Variants in WNT2B observed in about 807,000 individuals in gnomAD.
The protein encoded by WNT2B is protein Wnt-2b.
A neutral mutation model predicts 40.5 loss-of-function variants in WNT2B; 19 were observed. The observed-to-expected ratio is 0.47, with a 90% CI of 0.33 to 0.69. The LOEUF is 0.69. WNT2B is among the 30% of genes least tolerant of loss of function. The pLI is 0.02. For missense variants in WNT2B, 467 were observed against 556.4 expected, an observed-to-expected ratio of 0.84 and a Z score of 1.62; for synonymous variants, 220 against 211.9, an observed-to-expected ratio of 1.04 and a Z score of -0.33.
intron 1 of WNT2B, among the ~76,000 whole-genome samples, chr1:112,470,483 G>A (rs528682474): frequency 6.6e-6 from 1 of 152,228 alleles, no homozygotes; most frequent in Non-Finnish European, 1.5e-5. Context: ...CAGCTACTTG[G>A]CAGGCTGAGG....
intron 1 of WNT2B, among the ~76,000 whole-genome samples, chr1:112,474,748 A>G (rs1570761068): frequency 6.6e-6 from 1 of 152,174 alleles, no homozygotes; most frequent in East Asian, 1.9e-4. Flanking sequence ...TGTGATCTCC[A>G]ATGTTGGAGG....
intron 1 of WNT2B, among the ~76,000 whole-genome samples, chr1:112,489,859 A>G (rs564317825): frequency 1.3e-5 from 2 of 152,262 alleles, no homozygotes; most frequent in Admixed American, 6.5e-5. Context: ...CAGATCCTAA[A>G]GTGAGAAGAT....
upstream of WNT2B, among the ~76,000 whole-genome samples, chr1:112,508,047 G>A (rs1245956194): frequency 2.0e-5 from 3 of 152,102 alleles, no homozygotes; most frequent in African/African-American, 7.2e-5. The surrounding 1 kb of genome is among the most constrained non-coding windows in gnomAD (Gnocchi z 4.2). Context: ...GAGGGAGGGT[G>A]AAGGAGCAGT....
chr1:112,513,556 G>T, intron 1 of WNT2B, among the ~76,000 whole-genome samples: 1 of 152,028 alleles, frequency 6.6e-6, no homozygotes, highest in East Asian at 1.9e-4. Context: ...GGGGGTGGTG[G>T]GGGGGGACAC....
At chr1:112,508,278 C>T (rs116698802), upstream of WNT2B, among the ~76,000 whole-genome samples, 1,385 of 151,604 alleles carry the variant, frequency 9.1e-3, 25 homozygotes, top group African/African-American at 0.032. The surrounding 1 kb of genome is among the most constrained non-coding windows in gnomAD (Gnocchi z 4.2). Flanking sequence ...GGCGGGGAGT[C>T]CGCAGGTGCC....
At chr1:112,484,276 T>C (rs1570768814) in intron 1 of WNT2B, among the ~76,000 whole-genome samples, 2 of 137,560 alleles carry the variant, frequency 1.5e-5, no homozygotes, top group African/African-American at 2.7e-5. Context: ...TATACACATA[T>C]ATATATATAT....
chr1:112,484,435 A>AT (rs1051053559), intron 1 of WNT2B, among the ~76,000 whole-genome samples: 123 of 146,864 alleles, frequency 8.4e-4, no homozygotes, highest in African/African-American at 2.5e-3. Context: ...TGAGTGGCTA[A>AT]TTTTTTTTTT....
At chr1:112,467,322 G>A (rs1650737434) in exon 1 of WNT2B, 3 of 511,672 alleles carry the variant, frequency 5.9e-6, no homozygotes, top group Middle Eastern at 2.9e-4. Context: ...TGGGCCACTG[G>A]AAGCCTGAAT....
At chr1:112,502,562 C>T (rs1251442326) in intron 1 of WNT2B, among the ~76,000 whole-genome samples, 1 of 152,236 alleles carries the variant, frequency 6.6e-6, no homozygotes, top group Non-Finnish European at 1.5e-5. Flanking sequence ...CTGGAGGCCT[C>T]GGACTTGGGG....
chr1:112,509,202 C>A lies in WNT2B; in HGVS notation c.-61C>A, dbSNP rs1652244955. On this transcript the variant is annotated 5_prime_UTR_variant, in exon 1 of 5. Coordinates refer to ENST00000369684, the MANE Select transcript of WNT2B (RefSeq NM_024494.3). This position sits in a 1 kb window ranked among gnomAD's most constrained non-coding sequence, Gnocchi z 4.2. ...GGGTGAGGTAGGAGCAGCCTGAGTA[C>A]CCCCAGAAGGTGCCCCGTCCACGCC... The A allele has an allele frequency of 2.1e-6, 3 of 1,437,166 alleles. No individual in the cohort carries two copies. The highest frequency in any genetic ancestry group is 3.0e-5 in the Admixed American group (1 of 33,894). 89.0% of individuals were successfully genotyped at this position (1,437,166 alleles called of 1,614,324 possible).
rs1052548361 is a variant in WNT2B, at chr1:112,527,969, G to C, written c.*7460G>C. 4 of 152,206 alleles carry C rather than the reference G, an allele frequency of 2.6e-5. No homozygotes were observed. The highest frequency in any genetic ancestry group is 9.7e-5 in the African/African-American group (4 of 41,444). 9.4% of individuals were successfully genotyped at this position (152,206 alleles called of 1,614,324 possible). ...ATTTGTGTGTAATAAGTAGACACAA[G>C]AGGCTGGAGGAAGATGATCATTCCT... is the stretch of plus-strand genomic sequence containing the variant. On this transcript the variant is annotated 3_prime_UTR_variant, in exon 5 of 5. Transcript: ENST00000369684.
chr1:112,481,924 A>G (rs1250709270), intron 1 of WNT2B, among the ~76,000 whole-genome samples: 1 of 152,064 alleles, frequency 6.6e-6, no homozygotes, highest in East Asian at 1.9e-4. Flanking sequence ...AGGCGGGCAG[A>G]TCACTTGAGG....
At chr1:112,492,905 C>T (rs1237551705) in intron 1 of WNT2B, among the ~76,000 whole-genome samples, 2 of 152,188 alleles carry the variant, frequency 1.3e-5, no homozygotes, top group Non-Finnish European at 2.9e-5. Context: ...AGAATGCTTC[C>T]TCACTTCTTA....
Position 112,520,796 on chromosome 1 carries a change from T to A in WNT2B, c.*287T>A. Reference sequence around the variant, plus strand: ...GTCTTTAGAGTGAAATGAGTTGCACTAAAGTACGTAGTTGAGGCTCCTTTT... The same window carrying A: ...GTCTTTAGAGTGAAATGAGTTGCACAAAAGTACGTAGTTGAGGCTCCTTTT... On this transcript the variant is annotated 3_prime_UTR_variant, in exon 5 of 5. Transcript: ENST00000369684. 1 of 448,880 alleles carries A rather than the reference T, an allele frequency of 2.2e-6. No homozygotes were observed. Among genetic ancestry groups the A allele is most frequent in the East Asian group, 3.6e-5 (1 of 27,882 alleles). 27.8% of individuals were successfully genotyped at this position (448,880 alleles called of 1,614,324 possible).
chr1:112,520,483 A>G lies in WNT2B; in HGVS notation c.1150A>G (p.Lys384Glu). Residue 384 changes from lysine (K) to glutamate (E), a missense_variant, in exon 5 of 5, where the codon AAG becomes GAG. Transcript: ENST00000369684. ...CGTCCATACTTGCAAAGCCCCCAAG[A>G]AGGCAGAGTGGCTGGACCAAACCTG... ...VDVHTCKAPKKAEWLDQT is the reference protein window; with the variant it reads ...VDVHTCKAPKEAEWLDQT 3 of 1,614,112 alleles carry G rather than the reference A, an allele frequency of 1.9e-6. No individual in the cohort carries two copies. The highest frequency in any genetic ancestry group is 2.5e-6 in the Non-Finnish European group (3 of 1,180,024).
chr1:112,511,871 A>G (rs1385552988), intron 1 of WNT2B, among the ~76,000 whole-genome samples: 2 of 152,374 alleles, frequency 1.3e-5, no homozygotes, highest in East Asian at 3.9e-4. Context: ...CACTATGGCC[A>G]AACACCTTAT....
intron 1 of WNT2B, among the ~76,000 whole-genome samples, chr1:112,479,860 G>A (rs1257116939): frequency 6.6e-6 from 1 of 151,692 alleles, no homozygotes; most frequent in Non-Finnish European, 1.5e-5. Flanking sequence ...ACAGGCACCT[G>A]CTACCATGCC....
chr1:112,527,499 G>C lies in WNT2B; in HGVS notation c.*6990G>C, dbSNP rs1332946679. On this transcript the variant is annotated 3_prime_UTR_variant, in exon 5 of 5. Transcript: ENST00000369684. ...CCATGAGGCCACACACCAGATGGAG[G>C]GGATAAAAGTACGAGGTCATGGCTT... 1 of 152,764 alleles carries C rather than the reference G, an allele frequency of 6.5e-6. No homozygotes were observed. Among genetic ancestry groups the C allele is most frequent in the African/African-American group, 2.4e-5 (1 of 41,428 alleles). The allele number at this position is 152,764 out of a possible 1,614,324, so 9.5% of individuals were successfully genotyped here.
chr1:112,481,980 CTACTAAA>C (rs1277325706), intron 1 of WNT2B, among the ~76,000 whole-genome samples: 4 of 152,026 alleles, frequency 2.6e-5, no homozygotes, highest in African/African-American at 4.8e-5. Flanking sequence ...AACCCCATCT[CTACTAAA>C]TACAAAAGAT....
Sources: gnomAD v4.1 joint callset for allele counts (sites outside exome capture counted in the v4.1 genomes callset) on GRCh38, gnomAD v4.1.1 for gene constraint, Gnocchi (gnomAD v3.1) non-coding constraint, MANE v1.5 for transcripts, NCBI Gene and HGNC (gene_info 2026-07-23, HGNC 2026-07-21) for gene names.